CPQ: variants seen among roughly 807,000 people sequenced by gnomAD.
The protein encoded by CPQ is Ser-Met dipeptidase.
Under a neutral mutation model 45.7 loss-of-function variants are expected in CPQ, and 37 were observed. The observed-to-expected ratio is 0.81, with a 90% CI of 0.62 to 1.07. The LOEUF (loss-of-function observed/expected upper bound fraction) is 1.07. Among genes scored for constraint, CPQ ranks in the 50% least tolerant of loss-of-function variants. The pLI is 0.00. For synonymous variants in CPQ, 186 were observed against 205.8 expected, an observed-to-expected ratio of 0.90 and a Z score of 0.82; for missense variants, 537 against 572.9, an observed-to-expected ratio of 0.94 and a Z score of 0.64.
intron 1 of CPQ, among the ~76,000 whole-genome samples, chr8:96,681,060 CAG>C (rs1809143583): frequency 6.6e-6 from 1 of 152,028 alleles, no homozygotes. Context: ...AAAAGGGAAA[CAG>C]AGCATAAAAG....
chr8:97,111,894 A>G (rs1480372824), intron 7 of CPQ, among the ~76,000 whole-genome samples: 1 of 152,142 alleles, frequency 6.6e-6, no homozygotes, highest in African/African-American at 2.4e-5. Flanking sequence ...CTGTTTCTTC[A>G]TATGCTCTGG....
intron 5 of CPQ, among the ~76,000 whole-genome samples, chr8:96,984,791 T>C (rs1263217426): frequency 6.6e-6 from 1 of 152,214 alleles, no homozygotes; most frequent in East Asian, 1.9e-4. Flanking sequence ...TAATTATAGG[T>C]TTATTGTGAT....
At chr8:96,744,056 C>T (rs113557242) in intron 1 of CPQ, among the ~76,000 whole-genome samples, 294 of 151,370 alleles carry the variant, frequency 1.9e-3, no homozygotes, top group African/African-American at 5.4e-3. Flanking sequence ...TGGGCAATGG[C>T]GGGCGCCCCT....
At chr8:97,035,543 A>G (rs1358357038) in intron 6 of CPQ, among the ~76,000 whole-genome samples, 1 of 152,030 alleles carries the variant, frequency 6.6e-6, no homozygotes, top group East Asian at 1.9e-4. Flanking sequence ...TAGCCTTTTT[A>G]TTTTTAGCCA....
At chr8:96,737,303 T>G (rs1586379541) in intron 1 of CPQ, among the ~76,000 whole-genome samples, 1 of 132,648 alleles carries the variant, frequency 7.5e-6, no homozygotes, top group East Asian at 2.2e-4. Context: ...CATACAAAAC[T>G]AATAGGATAT....
At chr8:96,684,892 G>A (rs1257384642) in intron 1 of CPQ, among the ~76,000 whole-genome samples, 2 of 151,922 alleles carry the variant, frequency 1.3e-5, no homozygotes, top group African/African-American at 2.4e-5. Flanking sequence ...GAGGTCTGGA[G>A]TTCGAGACCA....
intron 1 of CPQ, among the ~76,000 whole-genome samples, chr8:96,694,220 A>G (rs2130739546): frequency 6.6e-6 from 1 of 152,268 alleles, no homozygotes; most frequent in Non-Finnish European, 1.5e-5. Context: ...GAAGACCACA[A>G]AACAACCAGA....
intron 4 of CPQ, among the ~76,000 whole-genome samples, chr8:96,958,724 C>T (rs940680549): frequency 6.6e-6 from 1 of 152,050 alleles, no homozygotes; most frequent in African/African-American, 2.4e-5. Flanking sequence ...AGCATGCAAC[C>T]AGGAATAGGC....
At chr8:97,015,805 G>A (rs1409273343) in intron 5 of CPQ, among the ~76,000 whole-genome samples, 3 of 152,120 alleles carry the variant, frequency 2.0e-5, no homozygotes, top group African/African-American at 7.2e-5. Flanking sequence ...GCTAAAATAA[G>A]TGAAGAACCA....
chr8:96,785,840 G>A (rs1434262166), intron 2 of CPQ, among the ~76,000 whole-genome samples: 1 of 152,126 alleles, frequency 6.6e-6, no homozygotes, highest in Non-Finnish European at 1.5e-5. Flanking sequence ...AGCTTTATCA[G>A]ATAATATACA....
intron 3 of CPQ, among the ~76,000 whole-genome samples, chr8:96,847,018 T>G (rs1365085476): frequency 2.0e-5 from 3 of 152,210 alleles, no homozygotes; most frequent in Admixed American, 2.0e-4. Context: ...TTAAATATAT[T>G]TGGCAAGGGT....
At chr8:96,748,746 A>G (rs181022979) in intron 1 of CPQ, among the ~76,000 whole-genome samples, 129 of 152,354 alleles carry the variant, frequency 8.5e-4, no homozygotes, top group Non-Finnish European at 1.2e-3. Context: ...TAAAAACAAA[A>G]TTTCAACAGA....
At chr8:96,652,644 T>G (rs1815589401) in intron 1 of CPQ, among the ~76,000 whole-genome samples, 2 of 152,164 alleles carry the variant, frequency 1.3e-5, no homozygotes, top group African/African-American at 2.4e-5. Context: ...TTTTTTTTTG[T>G]TTGTTTGAGA....
chr8:96,841,259 A>G (rs943716014), intron 3 of CPQ, among the ~76,000 whole-genome samples: 1 of 152,158 alleles, frequency 6.6e-6, no homozygotes, highest in African/African-American at 2.4e-5. Flanking sequence ...TGCAAGAAAA[A>G]CAGTTCAGCA....
chr8:96,679,330 T>G (rs1326653034), intron 1 of CPQ, among the ~76,000 whole-genome samples: 1 of 152,174 alleles, frequency 6.6e-6, no homozygotes, highest in South Asian at 2.1e-4. Context: ...AGTATTTTGT[T>G]GAGAATTTTT....
intron 4 of CPQ, among the ~76,000 whole-genome samples, chr8:96,919,662 A>T (rs1257684617): frequency 6.6e-6 from 1 of 152,170 alleles, no homozygotes; most frequent in Non-Finnish European, 1.5e-5. Context: ...CCTAGAAAAG[A>T]TTGGAAGAAA....
intron 7 of CPQ, among the ~76,000 whole-genome samples, chr8:97,120,110 C>T (rs749707139): frequency 1.8e-4 from 27 of 152,164 alleles, no homozygotes; most frequent in African/African-American, 3.4e-4. Flanking sequence ...TTGTCTAACA[C>T]GTATAAATAT....
At chr8:96,993,174 G>A (rs113554789) in intron 5 of CPQ, among the ~76,000 whole-genome samples, 1,939 of 152,274 alleles carry the variant, frequency 0.013, 31 homozygotes, top group South Asian at 0.019. Flanking sequence ...TGTTTAATTT[G>A]CATTAGTCTA....
intron 1 of CPQ, among the ~76,000 whole-genome samples, chr8:96,675,880 T>C (rs1029816351): frequency 2.6e-5 from 4 of 152,064 alleles, no homozygotes; most frequent in South Asian, 4.1e-4. Flanking sequence ...CTTATTGATA[T>C]GTGAAAACTC....
Sources: gnomAD v4.1 joint callset for allele counts (sites outside exome capture counted in the v4.1 genomes callset) on GRCh38, gnomAD v4.1.1 for gene constraint, MANE v1.5 for transcripts, NCBI Gene and HGNC (gene_info 2026-07-23, HGNC 2026-07-21) for gene names.